The following ZNF44 variants were observed in gnomAD, a reference collection of about 807,000 sequenced individuals.
ZNF44 encodes the protein zinc finger protein 44.
A neutral mutation model predicts 11.7 loss-of-function variants in ZNF44; 9 were observed. The ratio of observed to expected loss-of-function variants is 0.77; its 90% CI spans 0.46 to 1.35. The LOEUF (loss-of-function observed/expected upper bound fraction) is 1.35, where lower values mean the gene tolerates loss of function less well. Among genes scored for constraint, ZNF44 ranks in the 40% most tolerant of loss-of-function variants. The pLI, the probability that ZNF44 is intolerant of heterozygous loss-of-function variation, is 0.00. For synonymous variants in ZNF44, 224 were observed against 242.7 expected (o/e 0.92, Z 0.72); for missense variants, 696 against 743.1 (o/e 0.94, Z 0.74).
intron 1 of ZNF44, among the ~76,000 whole-genome samples, chr19:12,276,556 A>G (rs748735031): frequency 1.3e-5 from 2 of 152,156 alleles, no homozygotes; most frequent in Non-Finnish European, 2.9e-5. Flanking sequence ...AGTGTGCCTA[A>G]ACTATTTGTG....
chr19:12,248,729 T>C, intron 7 of ZNF44: 1 of 1,043,230 alleles, frequency 9.6e-7, no homozygotes, highest in Non-Finnish European at 1.2e-6. Context: ...AGATTTTCTC[T>C]TTATTAACTG....
intron 5 of ZNF44, among the ~76,000 whole-genome samples, chr19:12,256,166 G>A (rs908592356): frequency 5.3e-5 from 8 of 150,846 alleles, no homozygotes; most frequent in Non-Finnish European, 7.4e-5. Context: ...GGGCCAACCC[G>A]CAAGTCACAG....
exon 2 of ZNF44, chr19:12,234,839 A>C (rs1323375167): frequency 1.3e-5 from 2 of 152,480 alleles, no homozygotes; most frequent in Non-Finnish European, 2.9e-5. Context: ...GACGGACAGC[A>C]CTGGGGATCT....
intron 5 of ZNF44, among the ~76,000 whole-genome samples, chr19:12,259,629 A>AT (rs1157285476): frequency 1.3e-5 from 2 of 151,354 alleles, no homozygotes; most frequent in Admixed American, 6.6e-5. Context: ...TGGTACTAAT[A>AT]TTTTTTTTCC....
At chr19:12,264,705 A>AT (rs201711089) in intron 5 of ZNF44, among the ~76,000 whole-genome samples, 3 of 151,410 alleles carry the variant, frequency 2.0e-5, no homozygotes, top group Non-Finnish European at 4.4e-5. Context: ...ATTATAAACA[A>AT]TTTTTTTTTA....
chr19:12,254,336 T>C (rs1328458142), intron 5 of ZNF44, among the ~76,000 whole-genome samples: 2 of 152,190 alleles, frequency 1.3e-5, no homozygotes, highest in Admixed American at 6.5e-5. Flanking sequence ...CGGATGAAAG[T>C]AGTAGTTTTA....
chr19:12,280,106 CT>C (rs1215025738), intron 1 of ZNF44, among the ~76,000 whole-genome samples: 1 of 152,018 alleles, frequency 6.6e-6, no homozygotes, highest in African/African-American at 2.4e-5. Flanking sequence ...GTAATCCCAG[CT>C]ACTAGGGAGG....
chr19:12,230,667 G>GC (rs1001930962), intron 2 of ZNF44, among the ~76,000 whole-genome samples: 2 of 152,156 alleles, frequency 1.3e-5, no homozygotes, highest in Admixed American at 6.5e-5. Flanking sequence ...GAGAGCCTCT[G>GC]CCCCCAGCAC....
At chr19:12,281,929 A>G (rs1281637913) in intron 1 of ZNF44, among the ~76,000 whole-genome samples, 1 of 152,238 alleles carries the variant, frequency 6.6e-6, no homozygotes, top group Non-Finnish European at 1.5e-5. Flanking sequence ...GAACGATTTC[A>G]CTGCTGAATT....
At chr19:12,231,362 C>T (rs10164276) in intron 2 of ZNF44, among the ~76,000 whole-genome samples, 25,958 of 151,978 alleles carry the variant, frequency 0.17, 2,656 homozygotes, top group African/African-American at 0.28. Flanking sequence ...TGTCCCTCCC[C>T]GCCACTGAAC....
chr19:12,239,416 T>G (rs1481729778), upstream of ZNF44, among the ~76,000 whole-genome samples: 1 of 137,560 alleles, frequency 7.3e-6, no homozygotes, highest in African/African-American at 3.1e-5. Context: ...ACCTGGCCTT[T>G]TTTTTTTTTT....
chr19:12,259,067 G>T (rs754268108), intron 5 of ZNF44, among the ~76,000 whole-genome samples: 1 of 151,258 alleles, frequency 6.6e-6, no homozygotes, highest in Non-Finnish European at 1.5e-5. Context: ...TAGACACAGG[G>T]TCCCACCATG....
intron 5 of ZNF44, among the ~76,000 whole-genome samples, chr19:12,255,386 A>G (rs1055160843): frequency 6.6e-6 from 1 of 152,168 alleles, no homozygotes; most frequent in Non-Finnish European, 1.5e-5. Flanking sequence ...TAAAAAATCT[A>G]GTCAAGCTAA....
chr19:12,238,728 G>A (rs925935278), upstream of ZNF44, among the ~76,000 whole-genome samples: 4 of 151,598 alleles, frequency 2.6e-5, no homozygotes, highest in Admixed American at 6.6e-5. Context: ...CTCGGGAGGC[G>A]GAGGTTGCAG....
chr19:12,273,558 C>T lies in ZNF44; in HGVS notation c.697G>A (p.Ala233Thr). Residue 233 changes from alanine (A) to threonine (T), a missense_variant, in exon 4 of 4, where the codon GCC becomes ACC. Ala to Thr is a moderately conservative substitution (Grantham distance 58, BLOSUM62 0). Transcript: ENST00000355684. The part of the protein sequence containing the change: ...KPYECKQCSK[A>T]FPVYSSYLRH... ...AGATAGGAACTGTAAACAGGGAAGG[C>T]TTTAGAACACTGCTTACATTCATAT... 6.2e-7 allele frequency: 1 copy of T among 1,614,102 alleles called. No homozygotes were observed. Among genetic ancestry groups the T allele is most frequent in the South Asian group, 1.1e-5 (1 of 91,074 alleles).
rs572164083 is a variant in ZNF44 at position 12,271,998 on chromosome 19, C to CT, written c.*408dup. 0.023 allele frequency: 3,296 copies of CT among 141,760 alleles called. 42 individuals carry two copies. Among genetic ancestry groups the CT allele is most frequent in the African/African-American group, 0.045 (1,736 of 38,412 alleles). The allele number at this position is 141,760 out of a possible 1,614,324, so 8.8% of individuals were successfully genotyped here. On this transcript the variant is annotated 3_prime_UTR_variant, in exon 4 of 4. Transcript: ENST00000355684. ...CAACTCTATTTGAAAGAAATGGAAA[C>CT]TTTTTTTTTTTTTTTTGAGATGGAG...
At chr19:12,275,341 T>C (rs1301420042) in intron 2 of ZNF44, among the ~76,000 whole-genome samples, 2 of 152,174 alleles carry the variant, frequency 1.3e-5, no homozygotes, top group Admixed American at 1.3e-4. Context: ...TCCTTAAGAT[T>C]TTCTTATTAA....
At chr19:12,287,964 T>A (rs987926494) in intron 1 of ZNF44, among the ~76,000 whole-genome samples, 13 of 152,178 alleles carry the variant, frequency 8.5e-5, no homozygotes, top group African/African-American at 2.4e-4. Context: ...AAATTCAGAG[T>A]TATGGTTCTG....
chr19:12,293,338 A>C, intron 1 of ZNF44: 1 of 1,536,958 alleles, frequency 6.5e-7, no homozygotes, highest in Non-Finnish European at 8.7e-7. Context: ...AGCTTCCAGC[A>C]TCTTAGGGTA....
Sources: gnomAD v4.1 joint callset for allele counts (sites outside exome capture counted in the v4.1 genomes callset) on GRCh38, gnomAD v4.1.1 for gene constraint, MANE v1.5 for transcripts, NCBI Gene and HGNC (gene_info 2026-07-23, HGNC 2026-07-21) for gene names.